Variants in PXDNL observed in about 807,000 individuals in gnomAD.
PXDNL encodes the protein probable oxidoreductase PXDNL.
PXDNL carries 145 observed loss-of-function variants against 150.8 expected under a neutral mutation model. The ratio of observed to expected loss-of-function variants is 0.96; its 90% CI spans 0.84 to 1.10. The LOEUF (loss-of-function observed/expected upper bound fraction) is 1.10. PXDNL is among the 50% of genes least tolerant of loss of function. The pLI, the probability that PXDNL is intolerant of heterozygous loss-of-function variation, is 0.00. For missense variants in PXDNL, 2,087 were observed against 1,873.9 expected (o/e 1.11, Z -2.10); for synonymous variants, 757 against 725.7 (o/e 1.04, Z -0.69).
chr8:51,783,282 G>T (rs1418485580), intron 1 of PXDNL, among the ~76,000 whole-genome samples: 5 of 152,182 alleles, frequency 3.3e-5, no homozygotes, highest in African/African-American at 1.2e-4. Flanking sequence ...TGTCCACCAG[G>T]ATGTATGCAC....
chr8:51,595,804 A>C (rs1322525247), intron 2 of PXDNL, among the ~76,000 whole-genome samples: 1 of 147,844 alleles, frequency 6.8e-6, no homozygotes, highest in African/African-American at 2.6e-5. Flanking sequence ...AACAACGCAT[A>C]AATCATTTGC....
At chr8:51,339,039 A>C (rs1805913328) in intron 21 of PXDNL, among the ~76,000 whole-genome samples, 1 of 152,224 alleles carries the variant, frequency 6.6e-6, no homozygotes, top group African/African-American at 2.4e-5. Context: ...TGGAAGCAGC[A>C]AGCAGAGCCA....
Position 51,760,845 on chromosome 8 carries a change from CTTTTTTTT to C in PXDNL, c.164+48328_164+48335del, listed in dbSNP as rs71237237. Among the ~76,000 whole-genome samples, 20 of 45,490 alleles carry C rather than the reference CTTTTTTTT, an allele frequency of 4.4e-4. No individual in the cohort carries two copies. In the South Asian group the frequency reaches 6.9e-3, roughly 16 times the overall value. The allele number at this position is 45,490 out of a possible 152,430, so 29.8% of individuals were successfully genotyped here. On this transcript the variant is annotated intron_variant, in intron 1 of 22. Coordinates refer to ENST00000356297, the MANE Select transcript of PXDNL (RefSeq NM_144651.5). ...GTTAGCCTGAAGGAAATCACTTAAA[CTTTTTTTT>C]TTTTTTTTTTTTTTTTTTTTTTTGA... is the stretch of plus-strand genomic sequence containing the variant.
At chr8:51,377,767 A>G (rs1026647616) in intron 17 of PXDNL, among the ~76,000 whole-genome samples, 2 of 152,180 alleles carry the variant, frequency 1.3e-5, no homozygotes, top group African/African-American at 4.8e-5. Context: ...GGCAGGGCTG[A>G]GGACCTGCAG....
intron 1 of PXDNL, among the ~76,000 whole-genome samples, chr8:51,723,149 A>C (rs898337744): frequency 6.6e-5 from 10 of 152,152 alleles, no homozygotes; most frequent in Admixed American, 2.0e-4. Context: ...TACAAGCAGA[A>C]CATCTGGGGG....
chr8:51,402,758 A>G (rs762019369), intron 17 of PXDNL, among the ~76,000 whole-genome samples: 5 of 152,106 alleles, frequency 3.3e-5, no homozygotes, highest in Non-Finnish European at 7.3e-5. Flanking sequence ...AATGTTTTAG[A>G]AACAATAAAA....
At chr8:51,654,478 A>G (rs1255144698) in intron 2 of PXDNL, among the ~76,000 whole-genome samples, 1 of 152,210 alleles carries the variant, frequency 6.6e-6, no homozygotes, top group Non-Finnish European at 1.5e-5. Flanking sequence ...AATACAAATA[A>G]ATTGGATAAA....
At chr8:51,417,922 G>C (rs974418464) in intron 14 of PXDNL, among the ~76,000 whole-genome samples, 6 of 152,172 alleles carry the variant, frequency 3.9e-5, no homozygotes, top group Admixed American at 3.9e-4. Context: ...AAAAGGAAAG[G>C]CACCATCTAC....
intron 2 of PXDNL, among the ~76,000 whole-genome samples, chr8:51,615,316 C>T (rs1309877860): frequency 1.1e-4 from 17 of 150,120 alleles, no homozygotes; most frequent in Non-Finnish European, 2.1e-4. Flanking sequence ...TTTTTTTCAT[C>T]AGTTTCTCTA....
At chr8:51,405,307 T>C (rs1808408317) in intron 17 of PXDNL, among the ~76,000 whole-genome samples, 1 of 152,158 alleles carries the variant, frequency 6.6e-6, no homozygotes, top group Non-Finnish European at 1.5e-5. Flanking sequence ...GAGCGAGGGA[T>C]TGCTGCGAGG....
intron 3 of PXDNL, among the ~76,000 whole-genome samples, chr8:51,557,300 A>G (rs1404417761): frequency 1.3e-5 from 2 of 152,136 alleles, no homozygotes; most frequent in Non-Finnish European, 2.9e-5. Context: ...AAATACCACC[A>G]TGGGATTCAT....
At chr8:51,620,196 G>A (rs1020291848) in intron 2 of PXDNL, among the ~76,000 whole-genome samples, 6 of 152,100 alleles carry the variant, frequency 3.9e-5, no homozygotes, top group African/African-American at 1.2e-4. Context: ...GATAAAATTT[G>A]TCAATGAATT....
In PXDNL at chr8:51,571,453, CTATG is replaced by C. The variant is rs1326155770; in HGVS notation, c.309-14546_309-14543del. Among the ~76,000 whole-genome samples, 3 of 151,676 alleles carry C rather than the reference CTATG, an allele frequency of 2.0e-5. No homozygotes were observed. In the East Asian group the frequency reaches 5.8e-4, roughly 29 times the overall value. On this transcript the variant is annotated intron_variant, in intron 3 of 22. Coordinates refer to ENST00000356297, the MANE Select transcript of PXDNL (RefSeq NM_144651.5). ...TTTCATTAAATATTTACACATCAAC[CTATG>C]TATTTACACTGATGATGTCATTTTG...
intron 1 of PXDNL, among the ~76,000 whole-genome samples, chr8:51,702,803 T>C (rs1366638581): frequency 1.3e-5 from 2 of 152,312 alleles, no homozygotes; most frequent in Non-Finnish European, 2.9e-5. Context: ...TGGCCCCCAC[T>C]TGATCAGTTG....
chr8:51,341,122 C>A (rs1375153983), intron 20 of PXDNL, among the ~76,000 whole-genome samples: 1 of 152,164 alleles, frequency 6.6e-6, no homozygotes, highest in African/African-American at 2.4e-5. Flanking sequence ...TAGATGGGTG[C>A]AGGATGTGAG....
chr8:51,707,114 T>A (rs1293530212), intron 1 of PXDNL, among the ~76,000 whole-genome samples: 6 of 152,224 alleles, frequency 3.9e-5, no homozygotes, highest in Admixed American at 3.9e-4. Flanking sequence ...ATAATTTGTT[T>A]TGGATCATGC....
chr8:51,509,725 T>C (rs1424983873), intron 4 of PXDNL, among the ~76,000 whole-genome samples: 1 of 113,356 alleles, frequency 8.8e-6, no homozygotes. Flanking sequence ...TGTGTGTACA[T>C]ATATATATAC....
intron 1 of PXDNL, among the ~76,000 whole-genome samples, chr8:51,752,507 G>A (rs1017459621): frequency 6.6e-6 from 1 of 152,106 alleles, no homozygotes; most frequent in African/African-American, 2.4e-5. Context: ...TGAAACAGTT[G>A]CTATGGAGGC....
chr8:51,334,871 T>A (rs906008661), intron 21 of PXDNL, among the ~76,000 whole-genome samples: 2 of 152,208 alleles, frequency 1.3e-5, no homozygotes, highest in African/African-American at 4.8e-5. Context: ...CCTTGTACAT[T>A]GTTTTGACAA....
Sources: allele counts gnomAD v4.1 joint callset (sites outside exome capture counted in the v4.1 genomes callset), GRCh38; gene constraint gnomAD v4.1.1; transcripts MANE v1.5; gene names NCBI Gene and HGNC (gene_info 2026-07-23, HGNC 2026-07-21).